Variants in FHIT observed in about 807,000 individuals in gnomAD.
FHIT encodes fragile histidine triad diadenosine triphosphatase, also known as bis(5'-adenosyl)-triphosphatase.
FHIT carries 19 observed loss-of-function variants against 17.9 expected under a neutral mutation model. The ratio of observed to expected loss-of-function variants is 1.06; its 90% CI spans 0.74 to 1.56. The LOEUF is 1.56. Among genes scored for constraint, FHIT ranks in the 40% most tolerant of loss-of-function variants. The pLI is 0.00. For missense variants in FHIT, 248 were observed against 189.2 expected (o/e 1.31, Z -1.82); for synonymous variants, 81 against 69.7 (o/e 1.16, Z -0.81).
chr3:60,227,212 C>A (rs1287400631), intron 5 of FHIT, among the ~76,000 whole-genome samples: 1 of 152,176 alleles, frequency 6.6e-6, no homozygotes, highest in Non-Finnish European at 1.5e-5. Context: ...ACCAGTTTCA[C>A]AGAACTGCAT....
At position 61,044,068 on chromosome 3, in the gene FHIT, G is replaced by A. The variant is rs147708831; in HGVS notation, c.-163-1969C>T. Reference sequence around the variant, plus strand: ...AGCTGAAAATTCTAAAAATCAGAGCGCCTCTTCTCCTCGAAAGGAACGCAG... The same window carrying A: ...AGCTGAAAATTCTAAAAATCAGAGCACCTCTTCTCCTCGAAAGGAACGCAG... On this transcript the variant is annotated intron_variant, in intron 2 of 9. Transcript: ENST00000492590. Among the ~76,000 whole-genome samples the A allele has an allele frequency of 8.4e-3, 1,273 of 152,252 alleles. 25 individuals are homozygous for A. Among genetic ancestry groups the A allele is most frequent in the African/African-American group, 0.028 (1,169 of 41,540 alleles).
chr3:59,774,680 CAAATT>C (rs764475371), intron 8 of FHIT, among the ~76,000 whole-genome samples: 3 of 152,142 alleles, frequency 2.0e-5, no homozygotes, highest in Non-Finnish European at 2.9e-5. Flanking sequence ...GTCTCCCCAT[CAAATT>C]AAAGACCTAG....
chr3:60,070,437 A>G (rs1702716112), intron 5 of FHIT, among the ~76,000 whole-genome samples: 1 of 152,226 alleles, frequency 6.6e-6, no homozygotes, highest in Non-Finnish European at 1.5e-5. Context: ...GGTGAATGAC[A>G]AAATGAACCA....
chr3:60,582,952 G>C (rs1389436065), intron 4 of FHIT, among the ~76,000 whole-genome samples: 2 of 152,020 alleles, frequency 1.3e-5, no homozygotes, highest in Non-Finnish European at 2.9e-5. Context: ...GCTAGGACTT[G>C]AACCCTATCT....
rs1553654525 is a variant in FHIT at position 60,027,148 on chromosome 3, C to CACACAGACAAAAA, written c.104-12997_104-12996insTTTTTGTCTGTGT. On this transcript the variant is annotated intron_variant, in intron 5 of 9. Transcript: ENST00000492590. ...ACACACACACACACACACACACACACAAAATTAGTAAACCCAATAATCCAC... is the reference window on the plus strand; with the variant it reads ...ACACACACACACACACACACACACACACACAGACAAAAAAAAATTAGTAAACCCAATAATCCAC... Among the ~76,000 whole-genome samples the CACACAGACAAAAA allele has an allele frequency of 3.8e-3, 484 of 125,838 alleles. 13 individuals are homozygous for CACACAGACAAAAA. The highest frequency in any genetic ancestry group is 0.012 in the African/African-American group (457 of 36,944). 82.6% of individuals were successfully genotyped at this position (125,838 alleles called of 152,430 possible).
chr3:60,861,910 A>C (rs1305145153), intron 3 of FHIT, among the ~76,000 whole-genome samples: 1 of 149,106 alleles, frequency 6.7e-6, no homozygotes, highest in African/African-American at 2.5e-5. Flanking sequence ...AGATCGCGCC[A>C]CTGCACTGGG....
chr3:60,594,775 G>T (rs1289197706), intron 4 of FHIT, among the ~76,000 whole-genome samples: 1 of 152,018 alleles, frequency 6.6e-6, no homozygotes, highest in Non-Finnish European at 1.5e-5. Flanking sequence ...CCCCATATCT[G>T]GTTCTCCCTG....
chr3:61,099,052 T>C (rs1024014126), intron 2 of FHIT, among the ~76,000 whole-genome samples: 8 of 152,208 alleles, frequency 5.3e-5, no homozygotes, highest in African/African-American at 1.9e-4. Context: ...GTTGGCTGTC[T>C]GTTTGCCATA....
chr3:60,769,640 TC>T (rs1172814574), intron 4 of FHIT, among the ~76,000 whole-genome samples: 1 of 152,154 alleles, frequency 6.6e-6, no homozygotes, highest in Non-Finnish European at 1.5e-5. Flanking sequence ...CGTACAGGAA[TC>T]AGAAGTCGGG....
chr3:59,850,594 C>T (rs1575587821), intron 8 of FHIT, among the ~76,000 whole-genome samples: 1 of 152,272 alleles, frequency 6.6e-6, no homozygotes, highest in African/African-American at 2.4e-5. Flanking sequence ...GATACAAGCT[C>T]AGGCTCTCTA....
intron 2 of FHIT, among the ~76,000 whole-genome samples, chr3:61,076,460 T>C (rs535352218): frequency 1.6e-3 from 245 of 152,252 alleles, no homozygotes; most frequent in Admixed American, 2.4e-3. Context: ...AGGACTCTTT[T>C]AGGACCAAGA....
intron 5 of FHIT, among the ~76,000 whole-genome samples, chr3:60,118,297 G>C (rs1411248915): frequency 2.8e-5 from 3 of 108,320 alleles, no homozygotes; most frequent in Non-Finnish European, 6.0e-5. Flanking sequence ...TTTTTTTTTT[G>C]TAGAGACAGG....
intron 7 of FHIT, among the ~76,000 whole-genome samples, chr3:59,995,197 A>T (rs369914049): frequency 6.6e-6 from 1 of 151,996 alleles, no homozygotes. Flanking sequence ...TGATGTAGGC[A>T]TTTAGAAAAA....
intron 7 of FHIT, among the ~76,000 whole-genome samples, chr3:59,949,792 T>C (rs748037400): frequency 2.6e-5 from 4 of 152,226 alleles, no homozygotes; most frequent in Middle Eastern, 3.2e-3. Context: ...ACACAGGCAA[T>C]TGTTTAGCAC....
At chr3:60,138,297 A>G (rs1270757424) in intron 5 of FHIT, among the ~76,000 whole-genome samples, 1 of 152,218 alleles carries the variant, frequency 6.6e-6, no homozygotes, top group African/African-American at 2.4e-5. Context: ...ATGAGTGACT[A>G]GAACCCAAAG....
chr3:60,036,270 C>T (rs941023664), intron 5 of FHIT, among the ~76,000 whole-genome samples: 1 of 152,134 alleles, frequency 6.6e-6, no homozygotes, highest in Non-Finnish European at 1.5e-5. Context: ...AGTTAGATTC[C>T]ACCTCCTCCT....
chr3:59,961,302 T>C (rs1195729219), intron 7 of FHIT, among the ~76,000 whole-genome samples: 1 of 152,148 alleles, frequency 6.6e-6, no homozygotes, highest in Non-Finnish European at 1.5e-5. Context: ...GTAAATACAA[T>C]ACACGTACCA....
intron 2 of FHIT, among the ~76,000 whole-genome samples, chr3:61,094,153 T>C (rs998268171): frequency 6.6e-6 from 1 of 152,182 alleles, no homozygotes; most frequent in African/African-American, 2.4e-5. Flanking sequence ...TGTATTTTTC[T>C]CTGAAGAGGG....
chr3:59,942,713 A>G (rs1411165310), intron 7 of FHIT, among the ~76,000 whole-genome samples: 2 of 152,090 alleles, frequency 1.3e-5, no homozygotes, highest in Non-Finnish European at 2.9e-5. Context: ...CAGTGGTGCA[A>G]TCATAGCTCT....
Sources: gnomAD v4.1 joint callset for allele counts (sites outside exome capture counted in the v4.1 genomes callset) on GRCh38, gnomAD v4.1.1 for gene constraint, MANE v1.5 for transcripts, NCBI Gene and HGNC (gene_info 2026-07-23, HGNC 2026-07-21) for gene names.